Variants in SLC8A1 observed in about 807,000 individuals in gnomAD.
SLC8A1 encodes the protein solute carrier family 8 member A1.
Under a neutral mutation model 68.3 loss-of-function variants are expected in SLC8A1, and 18 were observed. That is an observed-to-expected ratio of 0.26 (90% CI 0.18 to 0.39). SLC8A1 has a LOEUF of 0.39. Ranked by LOEUF, SLC8A1 falls within the 10% of genes least tolerant of loss-of-function variation. SLC8A1 has a pLI of 1.00. For synonymous variants in SLC8A1, 475 were observed against 415.5 expected (o/e 1.14, Z -1.74); for missense variants, 985 against 1,156.7 (o/e 0.85, Z 2.15).
chr2:40,135,524 C>A (rs1411085506), intron 7 of SLC8A1, among the ~76,000 whole-genome samples: 5 of 151,966 alleles, frequency 3.3e-5, no homozygotes, highest in African/African-American at 1.2e-4. Context: ...TTGAGACCAG[C>A]CTGACCAATA....
chr2:40,153,094 A>G (rs527792274), intron 6 of SLC8A1, among the ~76,000 whole-genome samples: 2 of 152,352 alleles, frequency 1.3e-5, no homozygotes, highest in South Asian at 4.1e-4. Context: ...TTTTAAAAAA[A>G]TATCACTTAC....
chr2:40,159,684 C>G (rs2148443668), intron 6 of SLC8A1, among the ~76,000 whole-genome samples: 1 of 152,118 alleles, frequency 6.6e-6, no homozygotes, highest in South Asian at 2.1e-4. Flanking sequence ...ATGCAAATTC[C>G]AAATCCACTC....
Position 40,187,737 on chromosome 2 carries a change from G to C in SLC8A1, c.1809-9882C>G, listed in dbSNP as rs537465703. 3.3e-5 allele frequency among the ~76,000 whole-genome samples: 5 copies of C among 152,296 alleles called. No individual in the cohort carries two copies. The East Asian group carries it at 9.6e-4, about 29-fold the overall frequency. On this transcript the variant is annotated intron_variant, in intron 2 of 7. Coordinates refer to ENST00000406785, the Ensembl canonical transcript of SLC8A1. ...AGACATTCTGGTTGACTACTCGAAA[G>C]AGATACTACAGGGATCCATAGTTAT... is the stretch of plus-strand genomic sequence containing the variant.
chr2:40,099,273 T>G (rs1056238670), exon 8 of SLC8A1: 6 of 152,042 alleles, frequency 3.9e-5, no homozygotes, highest in African/African-American at 1.4e-4. Flanking sequence ...ATGAGTAATA[T>G]ATGATGCATA....
intron 2 of SLC8A1, among the ~76,000 whole-genome samples, chr2:40,420,414 A>G (rs1348640188): frequency 6.6e-6 from 1 of 152,050 alleles, no homozygotes; most frequent in Non-Finnish European, 1.5e-5. Context: ...GAAAAGCTGC[A>G]TTCATTATTC....
At chr2:40,210,870 G>C (rs406736) in intron 2 of SLC8A1, among the ~76,000 whole-genome samples, 21,883 of 152,088 alleles carry the variant, frequency 0.14, 1,942 homozygotes, top group African/African-American at 0.23. Flanking sequence ...GTCATGTACA[G>C]AATACAGAAT....
chr2:40,431,185 G>A (rs139067912), intron 1 of SLC8A1, among the ~76,000 whole-genome samples: 75 of 151,848 alleles, frequency 4.9e-4, no homozygotes, highest in African/African-American at 1.7e-3. Context: ...ACAGGCCAAG[G>A]CCTAGTTGTG....
At chr2:40,346,047 TAAAA>T (rs774555210) in intron 2 of SLC8A1, among the ~76,000 whole-genome samples, 13 of 41,708 alleles carry the variant, frequency 3.1e-4, no homozygotes, top group African/African-American at 5.0e-4. Flanking sequence ...ACATTAACAG[TAAAA>T]AAAAAAAAAA....
intron 2 of SLC8A1, among the ~76,000 whole-genome samples, chr2:40,259,485 CTTT>C (rs983185537): frequency 6.6e-6 from 1 of 151,994 alleles, no homozygotes; most frequent in Non-Finnish European, 1.5e-5. Context: ...AATCTTTTTT[CTTT>C]TTTAATTTTT....
intron 2 of SLC8A1, chr2:40,255,091 C>G (rs1265892924): frequency 2.0e-5 from 3 of 151,842 alleles, no homozygotes; most frequent in Non-Finnish European, 4.4e-5. Context: ...TGCCATTTCT[C>G]TATGTCTGCG....
At chr2:40,356,684 A>C (rs908629064) in intron 2 of SLC8A1, among the ~76,000 whole-genome samples, 1 of 152,102 alleles carries the variant, frequency 6.6e-6, no homozygotes, top group African/African-American at 2.4e-5. Flanking sequence ...CCATGCAGAG[A>C]AGGGTCCAGA....
At chr2:40,296,050 G>A (rs1226853283) in intron 2 of SLC8A1, among the ~76,000 whole-genome samples, 1 of 152,104 alleles carries the variant, frequency 6.6e-6, no homozygotes, top group East Asian at 1.9e-4. Flanking sequence ...GCTTGTTATT[G>A]CTCTTGGGTT....
intron 2 of SLC8A1, among the ~76,000 whole-genome samples, chr2:40,253,269 G>T (rs1384131114): frequency 6.7e-6 from 1 of 148,396 alleles, no homozygotes; most frequent in South Asian, 2.1e-4. Flanking sequence ...ATATATACAT[G>T]TACATATGAC....
upstream of SLC8A1, among the ~76,000 whole-genome samples, chr2:40,454,983 G>C (rs142956795): frequency 5.8e-3 from 882 of 152,316 alleles, 28 homozygotes; most frequent in Admixed American, 0.049. Context: ...CTTAATTGCA[G>C]TCTTCCATAT....
At chr2:40,173,175 C>T (rs960649682) in intron 4 of SLC8A1, among the ~76,000 whole-genome samples, 2 of 152,038 alleles carry the variant, frequency 1.3e-5, no homozygotes, top group African/African-American at 2.4e-5. Flanking sequence ...CAAATTTATA[C>T]CTTCTTCAAA....
intron 6 of SLC8A1, among the ~76,000 whole-genome samples, chr2:40,152,766 G>C (rs979918320): frequency 6.6e-6 from 1 of 151,924 alleles, no homozygotes; most frequent in African/African-American, 2.4e-5. Context: ...CAGGGTGGCA[G>C]CTTGGGTGGG....
At chr2:40,209,240 C>T (rs1326678357) in intron 2 of SLC8A1, 1 of 152,186 alleles carries the variant, frequency 6.6e-6, no homozygotes, top group Non-Finnish European at 1.5e-5. Flanking sequence ...GAGAATGTGA[C>T]ATTTGAGAAA....
At chr2:40,276,594 A>C (rs929633) in intron 2 of SLC8A1, among the ~76,000 whole-genome samples, 71,005 of 151,994 alleles carry the variant, frequency 0.47, 18,304 homozygotes, top group East Asian at 0.72. Flanking sequence ...CTTCTACTTA[A>C]ATCAAGGCCA....
chr2:40,230,287 A>C (rs1424191883), intron 2 of SLC8A1, among the ~76,000 whole-genome samples: 2 of 152,156 alleles, frequency 1.3e-5, no homozygotes, highest in Non-Finnish European at 2.9e-5. Flanking sequence ...GCTCCAAATA[A>C]AGCCTGTGAC....
Sources: gnomAD v4.1 joint callset for allele counts (sites outside exome capture counted in the v4.1 genomes callset) on GRCh38, gnomAD v4.1.1 for gene constraint, MANE v1.5 for transcripts, NCBI Gene and HGNC (gene_info 2026-07-23, HGNC 2026-07-21) for gene names.